SEMA7A: variants seen among roughly 807,000 people sequenced by gnomAD.
SEMA7A encodes semaphorin-7A.
A neutral mutation model predicts 67.5 loss-of-function variants in SEMA7A; 21 were observed. The observed-to-expected ratio is 0.31, with a 90% confidence interval of 0.22 to 0.45. SEMA7A has a LOEUF of 0.45. SEMA7A is among the 20% of genes least tolerant of loss of function. SEMA7A has a pLI of 1.00. For missense variants in SEMA7A, 774 were observed against 908.6 expected (o/e 0.85, Z 1.90); for synonymous variants, 364 against 368.5 (o/e 0.99, Z 0.14).
At position 74,411,801 on chromosome 15, in the gene SEMA7A, G is replaced by C; in HGVS notation, c.1422+84C>G. ...CCCTAAGGCCTAGAAGCTCTTAAAA[G>C]AACACACAAATCACATGCAAAGGAG... On this transcript the variant is annotated intron_variant, in intron 11 of 13. Transcript: ENST00000261918. The surrounding 1 kb of genome is among the most constrained non-coding windows in gnomAD (Gnocchi z 4.4). 6.2e-7 allele frequency: 1 copy of C among 1,603,080 alleles called. No individual in the cohort carries two copies. The highest frequency in any genetic ancestry group is 8.5e-7 in the Non-Finnish European group (1 of 1,175,714).
At chr15:74,417,219 C>T in intron 6 of SEMA7A, 116 bp downstream of exon 6, 1 of 802,116 alleles carries the variant, frequency 1.2e-6, no homozygotes, top group Non-Finnish European at 2.1e-6. Context: ...GTCCTGCTTT[C>T]CTGCATGGCC....
Position 74,414,583 on chromosome 15 carries a change from G to C in SEMA7A, c.1258C>G (p.His420Asp). The C allele has an allele frequency of 6.2e-7, 1 of 1,614,212 alleles. No homozygotes were observed. The highest frequency in any genetic ancestry group is 8.5e-7 in the Non-Finnish European group (1 of 1,180,038). ...KVAVHRMQAS[H>D]GETFHVLYLT... is the part of the protein sequence containing the mutation. ...TAAAGCACATGAAAGGTCTCCCCGTGGCTGGCTTGCATGCGGTGGACGGCC... is the reference window on the plus strand; with the variant it reads ...TAAAGCACATGAAAGGTCTCCCCGTCGCTGGCTTGCATGCGGTGGACGGCC... The change falls in exon 10 of 14, where the codon CAC (histidine) becomes GAC (aspartate). Residue 420 changes from histidine (H) to aspartate (D), a missense_variant. By Grantham distance (81) the His-to-Asp change is moderately conservative. Around this residue, in one of 2 missense-constraint regions of SEMA7A, gnomAD observed 427 missense variants for 555.4 expected, o/e 0.77. Transcript: ENST00000261918. This position sits in a 1 kb window ranked among gnomAD's most constrained non-coding sequence, Gnocchi z 4.1.
In SEMA7A at chr15:74,423,092, A is replaced by G. The variant is rs1436572033; in HGVS notation, c.179-4140T>C. Among the ~76,000 whole-genome samples, 1 of 152,124 alleles carries G rather than the reference A, an allele frequency of 6.6e-6. No individual in the cohort carries two copies. Among genetic ancestry groups the G allele is most frequent in the Non-Finnish European group, 1.5e-5 (1 of 67,996 alleles). ...CTCTGAAAATGGCAGGAATGTGGGC[A>G]CCCCCACAGAGAATGCCTAAGTCAG... On this transcript the variant is annotated intron_variant, in intron 1 of 13. Coordinates refer to ENST00000261918, the MANE Select transcript of SEMA7A (RefSeq NM_003612.5). This position sits in a 1 kb window ranked among gnomAD's most constrained non-coding sequence, Gnocchi z 4.1.
rs752630129 is a variant in SEMA7A at position 74,418,358 on chromosome 15, C to T, written c.331-49G>A. The T allele has an allele frequency of 5.1e-6, 8 of 1,579,388 alleles. No individual in the cohort carries two copies. The African/African-American group carries it at 5.4e-5, about 11-fold the overall frequency. ...GTTCAATCTGCCAGGGGTGAGGTAC[C>T]CCTGAAATGCTTTCCACACAGCCTC... is the stretch of plus-strand genomic sequence containing the variant. On this transcript the variant is annotated intron_variant, in intron 2 of 13. Transcript: ENST00000261918.
At chr15:74,418,671 T>G in intron 2 of SEMA7A, 130 bp downstream of exon 2, 1 of 1,010,560 alleles carries the variant, frequency 9.9e-7, no homozygotes, top group Non-Finnish European at 1.5e-6. Context: ...CCAGGAGCCA[T>G]TTATAGGATA....
In SEMA7A at chr15:74,433,837, G is replaced by A. The variant is rs771909302; in HGVS notation, c.82C>T (p.Pro28Ser). 2 of 1,351,924 alleles carry A rather than the reference G, an allele frequency of 1.5e-6. No individual in the cohort carries two copies. The highest frequency in any genetic ancestry group is 1.5e-5 in the African/African-American group (1 of 65,640). 83.7% of individuals were successfully genotyped at this position (1,351,924 alleles called of 1,614,324 possible). A position where few individuals can be genotyped will look rare whatever the true frequency, so the allele number is the denominator to read the frequency against. ...VPGPPARLGL[P>S]LRLRLLLLLW... Reference sequence around the variant, plus strand: ...AGCAGCAGCAGCCGCAGCCGCAGCGGAAGCCCCAACCGAGCCGGCGGGCCA... The same window carrying A: ...AGCAGCAGCAGCCGCAGCCGCAGCGAAAGCCCCAACCGAGCCGGCGGGCCA... Residue 28 changes from proline (P) to serine (S), a missense_variant, in exon 1 of 14, where the codon CCG (proline) becomes TCG (serine). Pro to Ser is a moderately conservative substitution (Grantham distance 74). Around this residue, in one of 2 missense-constraint regions of SEMA7A, gnomAD observed 347 missense variants for 353.2 expected, o/e 0.98. Transcript: ENST00000261918.
rs757663206 is a variant in SEMA7A, at chr15:74,423,979, A to G, written c.179-5027T>C. Among the ~76,000 whole-genome samples the G allele has an allele frequency of 3.3e-4, 51 of 152,266 alleles. No individual in the cohort carries two copies. Among genetic ancestry groups the G allele is most frequent in the Non-Finnish European group, 4.6e-4 (31 of 68,002 alleles). On this transcript the variant is annotated intron_variant, in intron 1 of 13. Transcript: ENST00000261918. This position sits in a 1 kb window ranked among gnomAD's most constrained non-coding sequence, Gnocchi z 4.1. The stretch of plus-strand genomic sequence containing the variant: ...AGGGGCAGAGCCTGTGTGCTGGGGC[A>G]GGTGGTGGGGCCTCGAGACAGCACT...
At chr15:74,428,007 T>C (rs1228788658) in intron 1 of SEMA7A, among the ~76,000 whole-genome samples, 13 of 152,104 alleles carry the variant, frequency 8.5e-5, no homozygotes, top group Non-Finnish European at 1.9e-4. Flanking sequence ...GCTGGAAGCA[T>C]GGGGTGCAGA....
chr15:74,419,003 A>G, intron 1 of SEMA7A, 51 bp from the exon 2 acceptor site: 1 of 1,587,872 alleles, frequency 6.3e-7, no homozygotes, highest in Non-Finnish European at 8.6e-7. Context: ...CCGAGAGAGA[A>G]GACTCTGGGT....
chr15:74,433,605 C>T (rs1278384436), intron 1 of SEMA7A, 136 bp downstream of exon 1: 230 of 1,271,002 alleles, frequency 1.8e-4, no homozygotes, highest in Non-Finnish European at 9.9e-6. Context: ...CCCACACGCT[C>T]CACGCGGGGA....
Position 74,418,872 on chromosome 15 carries a change from C to T in SEMA7A, c.259G>A (p.Val87Met). The change falls in exon 2 of 14, where the codon GTG (valine) becomes ATG (methionine). Residue 87 changes from valine (V) to methionine (M), a missense_variant. This residue lies in a region of SEMA7A where 347 missense variants were observed against 353.2 expected (regional missense o/e 0.98). Coordinates refer to ENST00000261918, the MANE Select transcript of SEMA7A (RefSeq NM_003612.5). ...ACCTTGCCACGTCCTCCCACCCACACAGAGGAGCTGCCTGGCTCGTGGAAA... is the reference window on the plus strand; with the variant it reads ...ACCTTGCCACGTCCTCCCACCCACATAGAGGAGCTGCCTGGCTCGTGGAAA... Reference protein sequence around the residue: ...VLFHEPGSSSVWVGGRGKVYL... With the variant: ...VLFHEPGSSSMWVGGRGKVYL... 6 of 1,613,904 alleles carry T rather than the reference C, an allele frequency of 3.7e-6. No homozygotes were observed. Among genetic ancestry groups the T allele is most frequent in the Non-Finnish European group, 4.2e-6 (5 of 1,180,032 alleles).
rs1361091570 is a variant in SEMA7A at position 74,414,912 on chromosome 15, C to A, written c.1021G>T (p.Asp341Tyr). The A allele has an allele frequency of 1.2e-6, 2 of 1,614,052 alleles. No homozygotes were observed. The highest frequency in any genetic ancestry group is 1.7e-6 in the Non-Finnish European group (2 of 1,180,026). ...YSAVCVYSLGDIDKVFRTSSL... is the reference protein window; with the variant it reads ...YSAVCVYSLGYIDKVFRTSSL... ...GAGGTACGGAAGACCTTGTCAATGTCACCGAGGGAATACACACAGACGGCT... is the reference window on the plus strand; with the variant it reads ...GAGGTACGGAAGACCTTGTCAATGTAACCGAGGGAATACACACAGACGGCT... Residue 341 changes from aspartate (D) to tyrosine (Y), a missense_variant, in exon 9 of 14, where the codon GAC becomes TAC. Asp to Tyr is a radical substitution (Grantham distance 160, BLOSUM62 -3). Transcript: ENST00000261918. This position sits in a 1 kb window ranked among gnomAD's most constrained non-coding sequence, Gnocchi z 4.1.
Position 74,410,829 on chromosome 15 carries a change from A to T in SEMA7A, c.1796T>A (p.Phe599Tyr). ...CTGCTGCGCCGTGAGGTTCTCGATG[A>T]ACAGGATGCAGTTGGGGCTCTGGTG... The part of the protein sequence containing the change: ...PGHQSPNCIL[F>Y]IENLTAQQYG... The change falls in exon 14 of 14, where the codon TTC becomes TAC. Residue 599 changes from phenylalanine to tyrosine, a missense_variant. Coordinates refer to ENST00000261918, the MANE Select transcript of SEMA7A (RefSeq NM_003612.5). This position sits in a 1 kb window ranked among gnomAD's most constrained non-coding sequence, Gnocchi z 7.5. The T allele has an allele frequency of 6.2e-7, 1 of 1,614,218 alleles. No homozygotes were observed. The highest frequency in any genetic ancestry group is 8.5e-7 in the Non-Finnish European group (1 of 1,180,038).
At chr15:74,422,884 CTTG>C (rs1342349626) in intron 1 of SEMA7A, among the ~76,000 whole-genome samples, 4 of 152,220 alleles carry the variant, frequency 2.6e-5, no homozygotes, top group East Asian at 3.8e-4. Flanking sequence ...TCCCCATACT[CTTG>C]TTGTTTGTGA....
chr15:74,421,001 C>T (rs1264386122), intron 1 of SEMA7A, among the ~76,000 whole-genome samples: 2 of 152,252 alleles, frequency 1.3e-5, no homozygotes, highest in African/African-American at 4.8e-5. Flanking sequence ...AGGCCACAGG[C>T]CCAGGTCTCC....
At position 74,433,294 on chromosome 15, in the gene SEMA7A, C is replaced by T. The variant is rs958009584; in HGVS notation, c.178+447G>A. Among the ~76,000 whole-genome samples the T allele has an allele frequency of 1.1e-3, 165 of 151,820 alleles. 1 individual carries two copies. The highest frequency in any genetic ancestry group is 3.1e-3 in the African/African-American group (127 of 41,474). On this transcript the variant is annotated intron_variant, in intron 1 of 13. Transcript: ENST00000261918. ...GGCGGCGGCAAGGGGTCCGCGCCCC[C>T]CTTGCCGGCCCAGCCTGCGCCCCGC...
In SEMA7A at chr15:74,418,251, C is replaced by A; in HGVS notation, c.372+17G>T. On this transcript the variant is annotated intron_variant, in intron 3 of 13. Coordinates refer to ENST00000261918, the MANE Select transcript of SEMA7A (RefSeq NM_003612.5). ...ACCAAGTGGCTCAGACCCCTCCATACCCCCTCCCCCACTCACCCGCTTATC... is the reference window on the plus strand; with the variant it reads ...ACCAAGTGGCTCAGACCCCTCCATAACCCCTCCCCCACTCACCCGCTTATC... 1 of 1,612,178 alleles carries A rather than the reference C, an allele frequency of 6.2e-7. No individual in the cohort carries two copies. The highest frequency in any genetic ancestry group is 1.3e-5 in the African/African-American group (1 of 74,896).
chr15:74,415,889 A>C lies in SEMA7A; in HGVS notation c.898T>G (p.Phe300Val), dbSNP rs2060943972. The C allele has an allele frequency of 6.2e-7, 1 of 1,613,974 alleles. No individual in the cohort carries two copies. The highest frequency in any genetic ancestry group is 1.3e-5 in the African/African-American group (1 of 74,898). ...VCSDAATNKNFNRLQDVFLLP... is the reference protein window; with the variant it reads ...VCSDAATNKNVNRLQDVFLLP... Reference sequence around the variant, plus strand: ...AGGAAGACGTCTTGCAGCCTGTTGAAGTTCTTGTTGGTGGCAGCATCACTG... The same window carrying C: ...AGGAAGACGTCTTGCAGCCTGTTGACGTTCTTGTTGGTGGCAGCATCACTG... The change falls in exon 8 of 14, where the codon TTC becomes GTC. Residue 300 changes from phenylalanine (F) to valine (V), a missense_variant. Physicochemically the swap from Phe to Val is conservative, Grantham distance 50. This residue lies in a region of SEMA7A where 427 missense variants were observed against 555.4 expected (regional missense o/e 0.77). Transcript: ENST00000261918.
chr15:74,429,456 G>A (rs1174138092), intron 1 of SEMA7A, among the ~76,000 whole-genome samples: 1 of 152,220 alleles, frequency 6.6e-6, no homozygotes, highest in Non-Finnish European at 1.5e-5. Flanking sequence ...TTCCATCTCT[G>A]CAGAGGAAGA....
Sources: gnomAD v4.1 joint callset for allele counts (sites outside exome capture counted in the v4.1 genomes callset) on GRCh38, gnomAD v4.1.1 for gene constraint, gnomAD v4.1.1 regional missense constraint, Gnocchi (gnomAD v3.1) non-coding constraint, MANE v1.5 for transcripts, NCBI Gene and HGNC (gene_info 2026-07-23, HGNC 2026-07-21) for gene names.